The following CAMK2D variants were observed in gnomAD, a reference collection of about 807,000 sequenced individuals.
CAMK2D encodes calcium/calmodulin dependent protein kinase II delta, also known as calcium/calmodulin-dependent protein kinase type II subunit delta.
In CAMK2D, 37 loss-of-function variants were observed where a neutral mutation model predicts 84.0. The ratio of observed to expected loss-of-function variants is 0.44; its 90% confidence interval spans 0.34 to 0.58. CAMK2D has a LOEUF of 0.58. Ranked by LOEUF, CAMK2D falls within the 20% of genes least tolerant of loss-of-function variation. The pLI, the probability that CAMK2D is intolerant of heterozygous loss-of-function variation, is 0.02. For missense variants in CAMK2D, 448 were observed against 652.5 expected, an observed-to-expected ratio of 0.69 and a Z score of 3.41; for synonymous variants, 202 against 212.5, an observed-to-expected ratio of 0.95 and a Z score of 0.43.
intron 2 of CAMK2D, among the ~76,000 whole-genome samples, chr4:113,735,139 T>C (rs576307884): frequency 4.4e-4 from 67 of 151,312 alleles, no homozygotes; most frequent in African/African-American, 1.4e-3. Context: ...AGGAAATATA[T>C]ATAAAATTCT....
intron 3 of CAMK2D, among the ~76,000 whole-genome samples, chr4:113,661,441 T>C (rs2099231461): frequency 6.6e-6 from 1 of 152,144 alleles, no homozygotes; most frequent in Admixed American, 6.5e-5. Context: ...TACACAACTT[T>C]CAGCACAACA....
chr4:113,526,935 C>T (rs1256097546), intron 8 of CAMK2D, among the ~76,000 whole-genome samples: 4 of 144,054 alleles, frequency 2.8e-5, no homozygotes, highest in Non-Finnish European at 6.0e-5. Context: ...CTGTACTTTG[C>T]AGATATTGCA....
At chr4:113,574,679 T>A (rs1165462287) in intron 4 of CAMK2D, among the ~76,000 whole-genome samples, 1 of 152,212 alleles carries the variant, frequency 6.6e-6, no homozygotes, top group Non-Finnish European at 1.5e-5. Context: ...AAGATAAGCC[T>A]CAGCTCTTAG....
At chr4:113,568,492 T>C (rs1030051660) in intron 4 of CAMK2D, among the ~76,000 whole-genome samples, 5 of 152,248 alleles carry the variant, frequency 3.3e-5, no homozygotes, top group African/African-American at 1.2e-4. Context: ...TGGACATTTG[T>C]GTTGTTTCCA....
At chr4:113,668,677 G>GA (rs2099267304) in intron 2 of CAMK2D, among the ~76,000 whole-genome samples, 1 of 152,018 alleles carries the variant, frequency 6.6e-6, no homozygotes, top group African/African-American at 2.4e-5. Flanking sequence ...AATAGTGGGA[G>GA]AACCACTGGT....
At chr4:113,694,674 A>G (rs1392865523) in intron 2 of CAMK2D, among the ~76,000 whole-genome samples, 2 of 152,132 alleles carry the variant, frequency 1.3e-5, no homozygotes, top group African/African-American at 4.8e-5. Context: ...CATCCCATCC[A>G]TATATGATAA....
intron 2 of CAMK2D, among the ~76,000 whole-genome samples, chr4:113,690,689 T>C (rs1176648510): frequency 1.1e-4 from 16 of 152,222 alleles, no homozygotes; most frequent in Admixed American, 1.0e-3. Flanking sequence ...ATCTCATGCT[T>C]TCTTACTAAT....
intron 3 of CAMK2D, among the ~76,000 whole-genome samples, chr4:113,659,921 G>A (rs1483257075): frequency 1.3e-5 from 2 of 152,106 alleles, no homozygotes; most frequent in African/African-American, 4.8e-5. Flanking sequence ...TTGAGTGAGT[G>A]AATGATATAG....
chr4:113,648,847 T>C (rs540875680), intron 3 of CAMK2D, among the ~76,000 whole-genome samples: 1 of 152,286 alleles, frequency 6.6e-6, no homozygotes, highest in South Asian at 2.1e-4. Context: ...ATCAGGGGTT[T>C]GGGTAGTGGC....
intron 2 of CAMK2D, among the ~76,000 whole-genome samples, chr4:113,744,880 C>T (rs1303706942): frequency 1.3e-5 from 2 of 152,158 alleles, no homozygotes; most frequent in Non-Finnish European, 2.9e-5. Context: ...TTTGATAAGT[C>T]AGTGTGAATA....
At chr4:113,537,913 T>G (rs1326403475) in intron 6 of CAMK2D, among the ~76,000 whole-genome samples, 1 of 152,228 alleles carries the variant, frequency 6.6e-6, no homozygotes, top group Non-Finnish European at 1.5e-5. Flanking sequence ...TTCAAGAGTT[T>G]GGACCCAAAT....
At chr4:113,639,271 GA>G (rs970198705) in intron 3 of CAMK2D, among the ~76,000 whole-genome samples, 7 of 151,354 alleles carry the variant, frequency 4.6e-5, no homozygotes, top group Admixed American at 3.3e-4. Context: ...GAAGGAAAAA[GA>G]AAAAAAATGC....
chr4:113,523,741 C>A (rs2098391835), intron 8 of CAMK2D, among the ~76,000 whole-genome samples: 1 of 151,880 alleles, frequency 6.6e-6, no homozygotes, highest in African/African-American at 2.4e-5. Flanking sequence ...CACTGCACCC[C>A]AGCTTGGGCA....
intron 3 of CAMK2D, among the ~76,000 whole-genome samples, chr4:113,623,383 TACAC>T (rs144980152): frequency 2.7e-5 from 4 of 150,592 alleles, no homozygotes; most frequent in East Asian, 1.9e-4. Context: ...GATGTGTATA[TACAC>T]ACACACACAC....
In CAMK2D at chr4:113,760,940, G is replaced by A. The variant is rs73842805; in HGVS notation, c.65+64C>T. ...GCCCCAAGACGGAGGCCGGTGGGTC[G>A]GGGGCAACGCGACCCGCCCTCAGCT... On this transcript the variant is annotated intron_variant, in intron 1 of 20. Transcript: ENST00000511664. 0.022 allele frequency: 35,894 copies of A among 1,601,396 alleles called. 2,737 individuals are homozygous for A. In the African/African-American group the frequency reaches 0.23, roughly 10 times the overall value.
At chr4:113,479,921 A>G (rs1404327752) in intron 16 of CAMK2D, among the ~76,000 whole-genome samples, 1 of 152,090 alleles carries the variant, frequency 6.6e-6, no homozygotes, top group African/African-American at 2.4e-5. Flanking sequence ...GCCATATGAA[A>G]TTACTTTTGT....
At chr4:113,666,537 T>C (rs1184877987) in intron 2 of CAMK2D, among the ~76,000 whole-genome samples, 1 of 152,044 alleles carries the variant, frequency 6.6e-6, no homozygotes, top group East Asian at 1.9e-4. Flanking sequence ...CCTTCTGTCA[T>C]AATTGGTCAG....
chr4:113,740,726 C>A (rs991040793), intron 2 of CAMK2D, among the ~76,000 whole-genome samples: 1 of 152,024 alleles, frequency 6.6e-6, no homozygotes, highest in East Asian at 1.9e-4. Flanking sequence ...ACCTCACAAC[C>A]TTTCCATCAG....
intron 7 of CAMK2D, 98 bp downstream of exon 7, chr4:113,537,243 G>A: frequency 3.1e-6 from 2 of 635,406 alleles, no homozygotes; most frequent in Non-Finnish European, 5.6e-6. Context: ...TTATTAGGAT[G>A]AAGTTTTCCA....
Sources: allele counts gnomAD v4.1 joint callset (sites outside exome capture counted in the v4.1 genomes callset), GRCh38; gene constraint gnomAD v4.1.1; transcripts MANE v1.5; gene names NCBI Gene and HGNC (gene_info 2026-07-23, HGNC 2026-07-21).